FAM184B: variants seen among roughly 807,000 people sequenced by gnomAD.
FAM184B encodes the protein family with sequence similarity 184 member B.
A neutral mutation model predicts 135.9 loss-of-function variants in FAM184B; 111 were observed. The observed-to-expected ratio is 0.82, with a 90% CI of 0.70 to 0.96. The LOEUF is 0.96. Ranked by LOEUF, FAM184B falls within the 40% of genes least tolerant of loss-of-function variation. The pLI is 0.00. For missense variants in FAM184B, 1,375 were observed against 1,323.9 expected, an observed-to-expected ratio of 1.04 and a Z score of -0.60; for synonymous variants, 552 against 524.8, an observed-to-expected ratio of 1.05 and a Z score of -0.71.
At chr4:17,686,871 G>A (rs896580598) in intron 7 of FAM184B, among the ~76,000 whole-genome samples, 5 of 152,204 alleles carry the variant, frequency 3.3e-5, no homozygotes, top group Non-Finnish European at 7.3e-5. Context: ...AAGGCCAGGA[G>A]GTTGAGGCTG....
At chr4:17,730,109 T>G (rs1315877030) in intron 1 of FAM184B, among the ~76,000 whole-genome samples, 11 of 151,920 alleles carry the variant, frequency 7.2e-5, no homozygotes, top group African/African-American at 1.7e-4. Flanking sequence ...CGAGAATTAC[T>G]TGAAGAATGC....
At chr4:17,664,361 T>C (rs1334454562) in intron 8 of FAM184B, among the ~76,000 whole-genome samples, 5 of 152,162 alleles carry the variant, frequency 3.3e-5, no homozygotes, top group African/African-American at 1.2e-4. Flanking sequence ...CTTCTCTGGG[T>C]TGTTGTAACA....
At chr4:17,635,944 A>T (rs959829732) in intron 15 of FAM184B, among the ~76,000 whole-genome samples, 3 of 152,280 alleles carry the variant, frequency 2.0e-5, no homozygotes, top group Non-Finnish European at 4.4e-5. Flanking sequence ...ATTCTACTAC[A>T]ATTCAAACCT....
chr4:17,695,697 G>A (rs1355073071), intron 5 of FAM184B, among the ~76,000 whole-genome samples: 1 of 152,126 alleles, frequency 6.6e-6, no homozygotes, highest in African/African-American at 2.4e-5. Flanking sequence ...GGAGAGAATG[G>A]TGCCGCCATG....
At chr4:17,772,077 A>C (rs1012546541) in intron 1 of FAM184B, among the ~76,000 whole-genome samples, 1 of 152,058 alleles carries the variant, frequency 6.6e-6, no homozygotes, top group African/African-American at 2.4e-5. Context: ...TCCAAGTTTA[A>C]CCCCAAAATT....
chr4:17,652,656 C>T (rs1238070592), intron 11 of FAM184B, among the ~76,000 whole-genome samples, 174 bp downstream of exon 11: 1 of 150,748 alleles, frequency 6.6e-6, no homozygotes, highest in Non-Finnish European at 1.5e-5. Context: ...GAGCCTGGAG[C>T]CCTGGCCTGT....
rs184046530 is a variant in FAM184B at position 17,741,416 on chromosome 4, G to A, written c.142-31772C>T. ...AGGGTTCAAGAGCAAAGTCCTGGCC[G>A]GGCGTGGTGGCTCACGCCTGTAATC... is the stretch of plus-strand genomic sequence containing the variant. On this transcript the variant is annotated intron_variant, in intron 1 of 17. Coordinates refer to ENST00000265018, the MANE Select transcript of FAM184B (RefSeq NM_015688.2). Among the ~76,000 whole-genome samples, 27 of 152,300 alleles carry A rather than the reference G, an allele frequency of 1.8e-4. No individual in the cohort carries two copies. The East Asian group carries it at 2.7e-3, about 15-fold the overall frequency.
chr4:17,775,167 T>C (rs748162706), intron 1 of FAM184B, among the ~76,000 whole-genome samples: 1 of 151,638 alleles, frequency 6.6e-6, no homozygotes, highest in Non-Finnish European at 1.5e-5. Flanking sequence ...CAGCTAATTT[T>C]TGTATTTTAA....
chr4:17,717,837 C>T (rs1222724386), intron 1 of FAM184B, among the ~76,000 whole-genome samples: 1 of 151,872 alleles, frequency 6.6e-6, no homozygotes, highest in African/African-American at 2.4e-5. Context: ...CAGAGTATGA[C>T]ATTCACTGGG....
intron 7 of FAM184B, among the ~76,000 whole-genome samples, chr4:17,668,879 A>G (rs750967065): frequency 8.5e-5 from 13 of 152,194 alleles, no homozygotes; most frequent in East Asian, 1.9e-4. Flanking sequence ...ATCACTTACT[A>G]TGTGCCAGGC....
At chr4:17,747,716 T>G (rs1718197693) in intron 1 of FAM184B, among the ~76,000 whole-genome samples, 1 of 151,504 alleles carries the variant, frequency 6.6e-6, no homozygotes, top group Non-Finnish European at 1.5e-5. Flanking sequence ...GGTCAGGAGA[T>G]CGAGACCATC....
intron 5 of FAM184B, 36 bp downstream of exon 5, chr4:17,704,964 A>G: frequency 6.6e-7 from 1 of 1,518,536 alleles, no homozygotes; most frequent in Non-Finnish European, 8.8e-7. Flanking sequence ...AGAAAGAAAA[A>G]AGAACCAGAA....
At chr4:17,747,687 C>T (rs375787527) in intron 1 of FAM184B, among the ~76,000 whole-genome samples, 47 of 151,758 alleles carry the variant, frequency 3.1e-4, no homozygotes, top group African/African-American at 9.7e-4. Context: ...TTTGGGAGGC[C>T]GAGGCGGGCG....
Position 17,660,083 on chromosome 4 carries a change from T to C in FAM184B, c.1699A>G (p.Lys567Glu). The C allele has an allele frequency of 8.4e-6, 13 of 1,551,500 alleles. No homozygotes were observed. The highest frequency in any genetic ancestry group is 1.4e-5 in the African/African-American group (1 of 73,164). Residue 567 changes from lysine (K) to glutamate (E), a missense_variant, in exon 9 of 18, where the codon AAA (lysine) becomes GAA (glutamate). Coordinates refer to ENST00000265018, the MANE Select transcript of FAM184B (RefSeq NM_015688.2). ...TCACTTCCCTCCTTGAGAAGCACTTTGGTCCTTTGAAGATAAGGATGCCAC... is the reference window on the plus strand; with the variant it reads ...TCACTTCCCTCCTTGAGAAGCACTTCGGTCCTTTGAAGATAAGGATGCCAC... ...GTSSDEEERT[K>E]VLLKEGSDPQ...
At chr4:17,667,171 G>A (rs1716074990) in intron 7 of FAM184B, among the ~76,000 whole-genome samples, 2 of 151,812 alleles carry the variant, frequency 1.3e-5, no homozygotes, top group Non-Finnish European at 2.9e-5. Flanking sequence ...TGTTGCCTAG[G>A]CTGGTCTCAA....
At chr4:17,671,806 G>C (rs1716173837) in intron 7 of FAM184B, among the ~76,000 whole-genome samples, 1 of 151,800 alleles carries the variant, frequency 6.6e-6, no homozygotes, top group Non-Finnish European at 1.5e-5. Context: ...TAAAGTACCA[G>C]AAGAAATCAT....
intron 7 of FAM184B, among the ~76,000 whole-genome samples, chr4:17,673,944 A>T (rs1716254310): frequency 6.6e-6 from 1 of 152,128 alleles, no homozygotes; most frequent in Non-Finnish European, 1.5e-5. Flanking sequence ...AACAACAACA[A>T]ACAAAAATAA....
intron 7 of FAM184B, among the ~76,000 whole-genome samples, chr4:17,675,546 G>A (rs1716292994): frequency 6.6e-6 from 1 of 152,206 alleles, no homozygotes; most frequent in Non-Finnish European, 1.5e-5. Flanking sequence ...TAACGAGAGA[G>A]TCAGCCTGTC....
rs192304288 is a variant in FAM184B, at chr4:17,712,402, G to A, written c.142-2758C>T. 2.0e-5 allele frequency among the ~76,000 whole-genome samples: 3 copies of A among 152,206 alleles called. No individual in the cohort carries two copies. The East Asian group carries it at 5.8e-4, about 29-fold the overall frequency. ...GCTGGGCTGGTGTAGACGCCGTGGAGTCAGATGCCAAACACGACACTGGCT... is the reference window on the plus strand; with the variant it reads ...GCTGGGCTGGTGTAGACGCCGTGGAATCAGATGCCAAACACGACACTGGCT... On this transcript the variant is annotated intron_variant, in intron 1 of 17. Transcript: ENST00000265018.
Sources: allele counts gnomAD v4.1 joint callset (sites outside exome capture counted in the v4.1 genomes callset), GRCh38; gene constraint gnomAD v4.1.1; transcripts MANE v1.5; gene names NCBI Gene and HGNC (gene_info 2026-07-23, HGNC 2026-07-21).